MGAM: variants seen among roughly 807,000 people sequenced by gnomAD.
The protein encoded by MGAM is alpha-1,4-glucosidase.
Under a neutral mutation model 358.8 loss-of-function variants are expected in MGAM, and 253 were observed. That is an observed-to-expected ratio of 0.71 (90% CI 0.64 to 0.78). The LOEUF (loss-of-function observed/expected upper bound fraction) is 0.78, where lower values mean the gene tolerates loss of function less well. Among genes scored for constraint, MGAM ranks in the 30% least tolerant of loss-of-function variants. The probability of loss-of-function intolerance (pLI) is 0.00; values close to 1 mark genes in which losing one functional copy is unlikely to be tolerated. For missense variants in MGAM, 3,080 were observed against 3,432.6 expected, an observed-to-expected ratio of 0.90 and a Z score of 2.57; for synonymous variants, 1,105 against 1,227.1, an observed-to-expected ratio of 0.90 and a Z score of 2.08.
chr7:142,069,534 T>G (rs1251999779), intron 43 of MGAM, among the ~76,000 whole-genome samples: 1 of 145,668 alleles, frequency 6.9e-6, no homozygotes, highest in East Asian at 2.0e-4. Context: ...CAAGCAGGGA[T>G]ACAGGAAGCA....
Position 142,055,693 on chromosome 7 carries a change from T to G in MGAM, c.3450T>G (p.Thr1150=), listed in dbSNP as rs373973002. ...ATAGGAGAGACTTGGAGTGGCACAC[T>G]TGGGGGATGTTCTCCCGAGACCAGC... ...RSYRRDLEWH[T]WGMFSRDQPP... is the part of the protein sequence containing the mutation. The change falls in exon 28 of 71, where the codon ACT becomes ACG. Residue 1150 remains threonine, a synonymous_variant. Coordinates refer to ENST00000475668, the MANE Select transcript of MGAM (RefSeq NM_001365693.1). 81 of 1,613,780 alleles carry G rather than the reference T, an allele frequency of 5.0e-5. No individual in the cohort carries two copies. The highest frequency in any genetic ancestry group is 6.7e-5 in the Non-Finnish European group (79 of 1,179,860).
In MGAM at chr7:142,102,680, G is replaced by C. The variant is rs1185177636; in HGVS notation, c.8013+1G>C. On this transcript the variant is annotated splice_donor_variant, in intron 69 of 70. Coordinates refer to ENST00000475668, the MANE Select transcript of MGAM (RefSeq NM_001365693.1). LOFTEE classifies it high-confidence loss of function. Reference sequence around the variant, plus strand: ...CTTGGCCAGCTTTTCTGCCAGCCAGGTGAGTGTGATTGATATGAAGTGAGA... The same window carrying C: ...CTTGGCCAGCTTTTCTGCCAGCCAGCTGAGTGTGATTGATATGAAGTGAGA... The C allele has an allele frequency of 1.2e-6, 2 of 1,612,998 alleles. No homozygotes were observed. Among genetic ancestry groups the C allele is most frequent in the South Asian group, 2.2e-5 (2 of 90,818 alleles).
chr7:142,006,429 G>C (rs1289361039), intron 2 of MGAM, among the ~76,000 whole-genome samples: 1 of 152,104 alleles, frequency 6.6e-6, no homozygotes, highest in Non-Finnish European at 1.5e-5. Context: ...GCACTCTCAT[G>C]ATGAGCAGAT....
intron 63 of MGAM, among the ~76,000 whole-genome samples, chr7:142,095,189 T>C (rs1426050494): frequency 6.6e-6 from 1 of 152,158 alleles, no homozygotes; most frequent in Admixed American, 6.6e-5. Flanking sequence ...TGTCTCGAAC[T>C]CGTGGCCTCA....
At chr7:142,052,577 A>T in intron 25 of MGAM, 131 bp downstream of exon 25, 1 of 1,374,602 alleles carries the variant, frequency 7.3e-7, no homozygotes, top group Non-Finnish European at 9.8e-7. Flanking sequence ...CAGGATCTAG[A>T]TGTGACAAGT....
At position 142,058,227 on chromosome 7, in the gene MGAM, C is replaced by A; in HGVS notation, c.3718C>A (p.Pro1240Thr). The change falls in exon 31 of 71, where the codon CCT becomes ACT. Residue 1240 changes from proline to threonine, a missense_variant. Pro to Thr is a conservative substitution (Grantham distance 38). Transcript: ENST00000475668. ...TELIGRPVMVPYWSLGFQLCR... is the reference protein window; with the variant it reads ...TELIGRPVMVTYWSLGFQLCR... ...GTTGATTGGCCGGCCTGTGATGGTA[C>A]CTTACTGGTCTTTGGGGTTCCAGCT... 6.2e-7 allele frequency: 1 copy of A among 1,613,862 alleles called. No homozygotes were observed. The highest frequency in any genetic ancestry group is 1.3e-5 in the African/African-American group (1 of 75,004).
At position 142,025,111 on chromosome 7, in the gene MGAM, T is replaced by C; in HGVS notation, c.944T>C (p.Leu315Ser). The C allele has an allele frequency of 6.2e-7, 1 of 1,613,528 alleles. No individual in the cohort carries two copies. The highest frequency in any genetic ancestry group is 8.5e-7 in the Non-Finnish European group (1 of 1,179,476). The part of the protein sequence containing the change: ...FFLCLEDASG[L>S]SFGVFLMNSN... ...TTGTGCCTTGAAGATGCTAGTGGATTGTCCTTTGGGGTGTTTCTGATGAAC... is the reference window on the plus strand; with the variant it reads ...TTGTGCCTTGAAGATGCTAGTGGATCGTCCTTTGGGGTGTTTCTGATGAAC... Residue 315 changes from leucine (L) to serine (S), a missense_variant, in exon 8 of 71, where the codon TTG (leucine) becomes TCG (serine). Physicochemically the swap from Leu to Ser is moderately radical, Grantham distance 145. Transcript: ENST00000475668.
chr7:142,018,401 G>A (rs1806139247), intron 3 of MGAM, among the ~76,000 whole-genome samples: 1 of 152,200 alleles, frequency 6.6e-6, no homozygotes, highest in Non-Finnish European at 1.5e-5. Flanking sequence ...AAGAGAGCAA[G>A]CAAGACAGAA....
chr7:142,043,461 TATTA>T, intron 21 of MGAM, among the ~76,000 whole-genome samples: 1 of 63,728 alleles, frequency 1.6e-5, no homozygotes, highest in Non-Finnish European at 2.8e-5. Context: ...ATAATATATA[TATTA>T]TATATACATA....
At chr7:142,040,260 C>T (rs1204820257) in intron 20 of MGAM, 89 bp downstream of exon 20, 4 of 1,062,912 alleles carry the variant, frequency 3.8e-6, no homozygotes, top group Non-Finnish European at 5.7e-6. Flanking sequence ...AAACATCCAT[C>T]TACATGCTGA....
At chr7:142,065,545 A>C in intron 38 of MGAM, 43 bp from the exon 39 acceptor site, 1 of 1,613,964 alleles carries the variant, frequency 6.2e-7, no homozygotes, top group Non-Finnish European at 8.5e-7. Flanking sequence ...GAGGAGGCAG[A>C]TCATGAGAGC....
At chr7:142,082,411 T>A (rs1184394710) in intron 51 of MGAM, 64 bp from the exon 52 acceptor site, 1 of 1,336,852 alleles carries the variant, frequency 7.5e-7, no homozygotes, top group Non-Finnish European at 1.0e-6. Flanking sequence ...CATATTTTTG[T>A]TGAGTTTCTT....
intron 1 of MGAM, among the ~76,000 whole-genome samples, chr7:142,001,262 A>G (rs1199740983): frequency 6.6e-6 from 1 of 152,190 alleles, no homozygotes; most frequent in Non-Finnish European, 1.5e-5. Context: ...TCACAGCTCC[A>G]TTTCCTTTTG....
intron 19 of MGAM, 81 bp from the exon 20 acceptor site, chr7:142,040,034 G>T: frequency 9.3e-7 from 1 of 1,072,694 alleles, no homozygotes. Context: ...CCCTCTCTGT[G>T]TATGATTAAG....
At chr7:142,031,101 C>A (rs1214902399) in intron 12 of MGAM, among the ~76,000 whole-genome samples, 3 of 152,196 alleles carry the variant, frequency 2.0e-5, no homozygotes, top group Non-Finnish European at 4.4e-5. Flanking sequence ...CCGTTACTTT[C>A]TCACTGGTAA....
chr7:142,041,666 C>T (rs1411552740), intron 21 of MGAM, among the ~76,000 whole-genome samples: 1 of 150,992 alleles, frequency 6.6e-6, no homozygotes, highest in Non-Finnish European at 1.5e-5. Flanking sequence ...ACAGACCAGT[C>T]ATGCCAAAAG....
At position 142,086,174 on chromosome 7, in the gene MGAM, C is replaced by T. The variant is rs1161265257; in HGVS notation, c.6637-44C>T. 2.7e-6 allele frequency: 4 copies of T among 1,476,542 alleles called. 1 individual carries two copies. In the African/African-American group the frequency reaches 4.1e-5, roughly 15 times the overall value. The allele number at this position is 1,476,542 out of a possible 1,614,324, so 91.5% of individuals were successfully genotyped here. On this transcript the variant is annotated intron_variant, in intron 55 of 70. Coordinates refer to ENST00000475668, the MANE Select transcript of MGAM (RefSeq NM_001365693.1). ...CTCCTTCATTCTGTTTCTCTTCATTCTGTGGCTTTGATTTTTCCCAACTGA... is the reference window on the plus strand; with the variant it reads ...CTCCTTCATTCTGTTTCTCTTCATTTTGTGGCTTTGATTTTTCCCAACTGA...
rs776350507 is a variant in MGAM, at chr7:142,096,435, A to G, written c.7692+20A>G. 3 of 1,612,944 alleles carry G rather than the reference A, an allele frequency of 1.9e-6. No homozygotes were observed. The highest frequency in any genetic ancestry group is 2.5e-6 in the Non-Finnish European group (3 of 1,179,056). On this transcript the variant is annotated intron_variant, in intron 65 of 70. Coordinates refer to ENST00000475668, the MANE Select transcript of MGAM (RefSeq NM_001365693.1). The stretch of plus-strand genomic sequence containing the variant: ...GAGCGTGTGAGTATGGAGGCCTCCG[A>G]TGAGGGGAGGATCCCAGCTGTGAGG...
At chr7:142,065,186 A>G (rs1563186880) in intron 37 of MGAM, 149 bp from the exon 38 acceptor site, 17 of 1,093,468 alleles carry the variant, frequency 1.6e-5, no homozygotes, top group Non-Finnish European at 1.7e-5. Context: ...ATCTGGGATC[A>G]GTGGAACTCC....
Sources: gnomAD v4.1 joint callset for allele counts (sites outside exome capture counted in the v4.1 genomes callset) on GRCh38, gnomAD v4.1.1 for gene constraint, MANE v1.5 for transcripts, NCBI Gene and HGNC (gene_info 2026-07-23, HGNC 2026-07-21) for gene names.